The following ARHGAP26 variants were observed in gnomAD, a reference collection of about 807,000 sequenced individuals.
ARHGAP26 encodes rho GTPase-activating protein 26.
A neutral mutation model predicts 104.8 loss-of-function variants in ARHGAP26; 38 were observed. That is an observed-to-expected ratio of 0.36 (90% CI 0.28 to 0.48). The LOEUF (loss-of-function observed/expected upper bound fraction) is 0.48, where lower values mean the gene tolerates loss of function less well. Ranked by LOEUF, ARHGAP26 falls within the 20% of genes least tolerant of loss-of-function variation. The probability of loss-of-function intolerance (pLI) is 0.99; values close to 1 mark genes in which losing one functional copy is unlikely to be tolerated. For synonymous variants in ARHGAP26, 341 were observed against 340.0 expected (o/e 1.00, Z -0.03); for missense variants, 704 against 947.9 (o/e 0.74, Z 3.38).
chr5:143,096,819 T>C (rs1792394185), intron 17 of ARHGAP26, among the ~76,000 whole-genome samples: 1 of 152,162 alleles, frequency 6.6e-6, no homozygotes. Flanking sequence ...ATGGAACCCC[T>C]GAAGGGTGTT....
intron 17 of ARHGAP26, among the ~76,000 whole-genome samples, chr5:143,103,851 G>A (rs936695861): frequency 6.6e-6 from 1 of 152,106 alleles, no homozygotes; most frequent in Non-Finnish European, 1.5e-5. Flanking sequence ...TAGATGACGG[G>A]TTGATGGGTG....
At chr5:142,813,384 C>T (rs911509504) in intron 1 of ARHGAP26, among the ~76,000 whole-genome samples, 9 of 152,274 alleles carry the variant, frequency 5.9e-5, no homozygotes, top group Non-Finnish European at 7.4e-5. Flanking sequence ...CTTTTGTGCT[C>T]GGCCGTGCCA....
intron 11 of ARHGAP26, among the ~76,000 whole-genome samples, chr5:142,976,241 T>C (rs1322178313): frequency 6.6e-6 from 1 of 152,202 alleles, no homozygotes; most frequent in Non-Finnish European, 1.5e-5. Flanking sequence ...CTTTAAAGCA[T>C]TTGAAATAAT....
At chr5:143,087,636 C>CTTCTTTTT (rs756401821) in intron 17 of ARHGAP26, among the ~76,000 whole-genome samples, 1 of 51,536 alleles carries the variant, frequency 1.9e-5, no homozygotes, top group East Asian at 8.6e-4. Flanking sequence ...CTGGCCCATT[C>CTTCTTTTT]TTTTTTTTTT....
chr5:142,799,872 GT>G (rs1309937831), intron 1 of ARHGAP26, among the ~76,000 whole-genome samples: 5 of 152,338 alleles, frequency 3.3e-5, no homozygotes, highest in African/African-American at 1.2e-4. Flanking sequence ...TCTTTGTACT[GT>G]TAGAGTGGCA....
At chr5:142,893,491 C>T (rs1039371019) in intron 5 of ARHGAP26, among the ~76,000 whole-genome samples, 2 of 152,116 alleles carry the variant, frequency 1.3e-5, no homozygotes, top group Admixed American at 6.5e-5. Flanking sequence ...TGTATTTATC[C>T]ATTCATCCAT....
intron 1 of ARHGAP26, among the ~76,000 whole-genome samples, chr5:142,777,059 G>A (rs1019357384): frequency 8.5e-5 from 13 of 152,160 alleles, no homozygotes; most frequent in Non-Finnish European, 1.6e-4. Flanking sequence ...CCATTGGTGC[G>A]TCATCTTTGC....
At chr5:143,219,201 T>C (rs1414806053) in intron 22 of ARHGAP26, among the ~76,000 whole-genome samples, 2 of 152,234 alleles carry the variant, frequency 1.3e-5, no homozygotes, top group Non-Finnish European at 2.9e-5. Context: ...ATTATGACCA[T>C]GCACAAATTA....
chr5:142,995,972 C>T (rs561217128), intron 11 of ARHGAP26, among the ~76,000 whole-genome samples: 1 of 152,134 alleles, frequency 6.6e-6, no homozygotes, highest in Non-Finnish European at 1.5e-5. Context: ...CTCCCACTCC[C>T]ATAAGTGGGA....
chr5:143,160,245 G>C (rs1801048431), intron 20 of ARHGAP26, among the ~76,000 whole-genome samples: 1 of 151,802 alleles, frequency 6.6e-6, no homozygotes, highest in African/African-American at 2.4e-5. Context: ...ATTTTTAGTA[G>C]AGATGGAGTT....
At chr5:143,130,727 A>T (rs964558009) in intron 18 of ARHGAP26, among the ~76,000 whole-genome samples, 1 of 152,220 alleles carries the variant, frequency 6.6e-6, no homozygotes, top group African/African-American at 2.4e-5. Flanking sequence ...CCGTGGCCAG[A>T]CAGTCAGCAG....
intron 1 of ARHGAP26, among the ~76,000 whole-genome samples, chr5:142,826,283 C>G (rs1245117759): frequency 6.6e-6 from 1 of 152,198 alleles, no homozygotes; most frequent in African/African-American, 2.4e-5. Context: ...TGTCCATACA[C>G]TTGTCATGGT....
chr5:143,157,036 C>T (rs1403581711), intron 20 of ARHGAP26, among the ~76,000 whole-genome samples: 2 of 152,170 alleles, frequency 1.3e-5, no homozygotes, highest in Non-Finnish European at 2.9e-5. Flanking sequence ...AAATAGCTCT[C>T]AGGCTATGTG....
chr5:142,947,991 A>C (rs1473952925), intron 11 of ARHGAP26, among the ~76,000 whole-genome samples: 1 of 152,138 alleles, frequency 6.6e-6, no homozygotes, highest in Non-Finnish European at 1.5e-5. Context: ...GTGAATGGCC[A>C]CTGCACTCCA....
intron 12 of ARHGAP26, among the ~76,000 whole-genome samples, chr5:143,032,066 C>T (rs1248167830): frequency 6.6e-6 from 1 of 152,166 alleles, no homozygotes. Context: ...CTCTAGAGAA[C>T]TTTGAGAAAA....
At chr5:142,829,222 C>T (rs1414987615) in intron 1 of ARHGAP26, among the ~76,000 whole-genome samples, 1 of 152,162 alleles carries the variant, frequency 6.6e-6, no homozygotes, top group East Asian at 1.9e-4. Flanking sequence ...ATTCTCTGTG[C>T]AGGACCCAAC....
intron 5 of ARHGAP26, among the ~76,000 whole-genome samples, chr5:142,889,212 G>T (rs115091056): frequency 1.2e-3 from 185 of 152,312 alleles, no homozygotes; most frequent in African/African-American, 4.2e-3. Flanking sequence ...CATTCATTCT[G>T]CATGCATCTG....
intron 11 of ARHGAP26, among the ~76,000 whole-genome samples, chr5:142,984,414 C>T (rs945158691): frequency 2.6e-5 from 4 of 152,060 alleles, no homozygotes; most frequent in African/African-American, 9.7e-5. Context: ...TATTCTACAA[C>T]CAGAAGTGTT....
chr5:142,855,888 G>A (rs1031442285), intron 1 of ARHGAP26, among the ~76,000 whole-genome samples: 3 of 152,190 alleles, frequency 2.0e-5, no homozygotes, highest in Admixed American at 2.0e-4. Flanking sequence ...CTTATTACCA[G>A]GAATGTAGGT....
Sources: allele counts gnomAD v4.1 joint callset (sites outside exome capture counted in the v4.1 genomes callset), GRCh38; gene constraint gnomAD v4.1.1; transcripts MANE v1.5; gene names NCBI Gene and HGNC (gene_info 2026-07-23, HGNC 2026-07-21).